PIK3C2G: variants seen among roughly 807,000 people sequenced by gnomAD.
PIK3C2G encodes the protein phosphatidylinositol-4-phosphate 3-kinase catalytic subunit type 2 gamma, also known as phosphatidylinositol 3-kinase C2 domain-containing subunit gamma.
In PIK3C2G, 168 loss-of-function variants were observed where a neutral mutation model predicts 181.1. That is an observed-to-expected ratio of 0.93 (90% confidence interval 0.82 to 1.05). The LOEUF is 1.05. PIK3C2G is among the 50% of genes least tolerant of loss of function. PIK3C2G has a pLI of 0.00. For synonymous variants in PIK3C2G, 573 were observed against 592.2 expected, an observed-to-expected ratio of 0.97 and a Z score of 0.47; for missense variants, 1,869 against 1,732.8, an observed-to-expected ratio of 1.08 and a Z score of -1.40.
chr12:18,562,634 CAG>C, intron 26 of PIK3C2G, 67 bp from the exon 27 acceptor site: 1 of 933,956 alleles, frequency 1.1e-6, no homozygotes, highest in Non-Finnish European at 1.6e-6. Flanking sequence ...CACAAGGAAA[CAG>C]ATCATAAATG....
At chr12:18,292,227 A>AAAAAT in intron 4 of PIK3C2G, among the ~76,000 whole-genome samples, 17 of 48,726 alleles carry the variant, frequency 3.5e-4, no homozygotes, top group African/African-American at 1.4e-3. Context: ...AAAAAAAAAA[A>AAAAAT]ATATATATAT....
At chr12:18,322,756 C>T (rs901617289) in intron 7 of PIK3C2G, among the ~76,000 whole-genome samples, 6 of 152,132 alleles carry the variant, frequency 3.9e-5, no homozygotes, top group Non-Finnish European at 8.8e-5. Context: ...TCCATCTTCA[C>T]TCCATAAAAT....
At position 18,362,785 on chromosome 12, in the gene PIK3C2G, C is replaced by CTGT. The variant is rs1418495627; in HGVS notation, c.1650_1652dup (p.Cys550dup). The CTGT allele has an allele frequency of 6.6e-7, 1 of 1,521,206 alleles. No individual in the cohort carries two copies. Among genetic ancestry groups the CTGT allele is most frequent in the African/African-American group, 1.4e-5 (1 of 72,112 alleles). 94.2% of individuals were successfully genotyped at this position (1,521,206 alleles called of 1,614,324 possible). A position where few individuals can be genotyped will look rare whatever the true frequency, so the allele number is the denominator to read the frequency against. On this transcript the variant is annotated inframe_insertion, in exon 12 of 33. Coordinates refer to ENST00000538779, the MANE Select transcript of PIK3C2G (RefSeq NM_001288772.2). Reference sequence around the variant, plus strand: ...TTAGCTACAAAGCGTTTTCTTTTACCTGTTGGCTTACATATGCTGGAAAGA... The same window carrying CTGT: ...TTAGCTACAAAGCGTTTTCTTTTACCTGTTGTTGGCTTACATATGCTGGAAAGA...
chr12:18,399,845 C>A lies in PIK3C2G; in HGVS notation c.2313C>A (p.Ser771=). ...QPLEALGLLT[S]SFPDQEIRKV... ...TAGAGGCTCTTGGGCTTTTGACTTC[C>A]AGGTAAGAATTGCATAACAAGCATG... Residue 771 remains serine (S), a splice_region_variant and synonymous_variant, in exon 16 of 33, where the codon TCC becomes TCA. Coordinates refer to ENST00000538779, the MANE Select transcript of PIK3C2G (RefSeq NM_001288772.2). 6.4e-7 allele frequency: 1 copy of A among 1,565,752 alleles called. No homozygotes were observed. The highest frequency in any genetic ancestry group is 1.2e-5 in the South Asian group (1 of 84,740).
At chr12:18,722,893 A>T in the PIK3C2G span, among the ~76,000 whole-genome samples, 1 of 152,004 alleles carries the variant, frequency 6.6e-6, no homozygotes, top group African/African-American at 2.4e-5. Flanking sequence ...CATTTAGCAC[A>T]TTTAATTTTC....
intron 18 of PIK3C2G, among the ~76,000 whole-genome samples, chr12:18,466,873 T>C (rs1425429041): frequency 6.6e-6 from 1 of 152,010 alleles, no homozygotes; most frequent in African/African-American, 2.4e-5. Context: ...AACAAAGTAA[T>C]AACATTTGAC....
At chr12:18,535,024 C>CA (rs1291505146) in intron 24 of PIK3C2G, among the ~76,000 whole-genome samples, 3 of 151,948 alleles carry the variant, frequency 2.0e-5, no homozygotes, top group Non-Finnish European at 4.4e-5. Context: ...CATGAGAGAT[C>CA]AAATTTAGAA....
chr12:18,700,512 C>CAAAAA, the PIK3C2G span, among the ~76,000 whole-genome samples: 1,454 of 67,868 alleles, frequency 0.021, 216 homozygotes, highest in African/African-American at 0.052. Context: ...AGCCAACGTA[C>CAAAAA]AAAAAAAAAA....
chr12:18,384,112 G>A (rs1045075160), intron 14 of PIK3C2G, among the ~76,000 whole-genome samples: 9 of 151,480 alleles, frequency 5.9e-5, no homozygotes, highest in African/African-American at 2.2e-4. Context: ...GTGAGCCACT[G>A]CACCCAGCCT....
chr12:18,562,257 G>T (rs1945386019), intron 26 of PIK3C2G, among the ~76,000 whole-genome samples: 1 of 151,960 alleles, frequency 6.6e-6, no homozygotes, highest in Non-Finnish European at 1.5e-5. Flanking sequence ...TCAGGCTCCC[G>T]AGTAGCTGGG....
intron 8 of PIK3C2G, among the ~76,000 whole-genome samples, chr12:18,332,792 A>G (rs1215877593): frequency 6.6e-6 from 1 of 152,146 alleles, no homozygotes; most frequent in African/African-American, 2.4e-5. Context: ...CTTCTTATGC[A>G]AAAAGGATCC....
At chr12:18,357,225 A>C (rs2137755563) in intron 11 of PIK3C2G, among the ~76,000 whole-genome samples, 1 of 152,156 alleles carries the variant, frequency 6.6e-6, no homozygotes, top group East Asian at 1.9e-4. Context: ...ATACATATAT[A>C]ATAGTTTAAA....
chr12:18,446,368 A>G (rs1304494714), intron 18 of PIK3C2G, among the ~76,000 whole-genome samples: 1 of 152,072 alleles, frequency 6.6e-6, no homozygotes, highest in Non-Finnish European at 1.5e-5. Context: ...GATTACAGGG[A>G]AAAAAAGAGA....
the PIK3C2G span, chr12:18,705,421 G>T: frequency 7.3e-7 from 1 of 1,375,016 alleles, no homozygotes; most frequent in Non-Finnish European, 1.0e-6. Context: ...CTAACGTTTA[G>T]TACCTTTGCA....
intron 26 of PIK3C2G, among the ~76,000 whole-genome samples, chr12:18,548,337 T>C (rs953384263): frequency 3.9e-5 from 6 of 152,062 alleles, no homozygotes; most frequent in Non-Finnish European, 8.8e-5. Flanking sequence ...AGAACAATTA[T>C]AGTGCTGTAG....
At chr12:18,559,329 C>G (rs1945172805) in intron 26 of PIK3C2G, among the ~76,000 whole-genome samples, 1 of 151,982 alleles carries the variant, frequency 6.6e-6, no homozygotes, top group South Asian at 2.1e-4. Context: ...ACCCTAAGAA[C>G]CATACAATAA....
chr12:18,366,396 G>A (rs778497373), intron 12 of PIK3C2G, among the ~76,000 whole-genome samples: 10 of 152,056 alleles, frequency 6.6e-5, no homozygotes, highest in Admixed American at 2.0e-4. Context: ...AGCCAGGCGT[G>A]GTGGCCTGTA....
At chr12:18,663,925 G>A in the PIK3C2G span, among the ~76,000 whole-genome samples, 2 of 152,238 alleles carry the variant, frequency 1.3e-5, no homozygotes, top group Admixed American at 1.3e-4. Flanking sequence ...CCTGGTTTAA[G>A]TAATAGGCTA....
At chr12:18,326,513 A>C (rs1217814120) in intron 8 of PIK3C2G, among the ~76,000 whole-genome samples, 1 of 152,240 alleles carries the variant, frequency 6.6e-6, no homozygotes, top group African/African-American at 2.4e-5. Context: ...TACTGAAATC[A>C]TATGTGACTT....
Sources: gnomAD v4.1 joint callset for allele counts (sites outside exome capture counted in the v4.1 genomes callset) on GRCh38, gnomAD v4.1.1 for gene constraint, MANE v1.5 for transcripts, NCBI Gene and HGNC (gene_info 2026-07-23, HGNC 2026-07-21) for gene names.